XRCC5: variants seen among roughly 807,000 people sequenced by gnomAD.
XRCC5 encodes DNA repair protein Ku80.
In XRCC5, 12 loss-of-function variants were observed where a neutral mutation model predicts 95.7. The observed-to-expected ratio is 0.13, with a 90% CI of 0.08 to 0.20. The LOEUF (loss-of-function observed/expected upper bound fraction) is 0.20. Among genes scored for constraint, XRCC5 ranks in the 10% least tolerant of loss-of-function variants. XRCC5 has a pLI of 1.00. For missense variants in XRCC5, 595 were observed against 873.9 expected, an observed-to-expected ratio of 0.68 and a Z score of 4.02; for synonymous variants, 281 against 290.3, an observed-to-expected ratio of 0.97 and a Z score of 0.33.
chr2:216,175,025 T>C, intron 16 of XRCC5: 1 of 298,092 alleles, frequency 3.4e-6, no homozygotes, highest in Non-Finnish European at 6.6e-6. Flanking sequence ...TGTTTTTGTC[T>C]GCTAAAATTT....
rs748988907 is a variant in XRCC5, at chr2:216,130,951, G to A, written c.1014G>A (p.Lys338=). The change falls in exon 9 of 21, where the codon AAG becomes AAA. Residue 338 remains lysine (K), a synonymous_variant. Transcript: ENST00000392132. The part of the protein sequence containing the change: ...EEQMKYKSEG[K]CFSVLGFCKS... ...AAATGAAATATAAATCGGAGGGGAA[G>A]TGCTTCTCTGTTTTGGGATTTTGTA... 5 of 1,613,470 alleles carry A rather than the reference G, an allele frequency of 3.1e-6. No homozygotes were observed. The East Asian group carries it at 1.1e-4, about 36-fold the overall frequency.
Position 216,195,064 on chromosome 2 carries a change from A to C in XRCC5, c.2109+78A>C, listed in dbSNP as rs1234466837. On this transcript the variant is annotated intron_variant, in intron 19 of 20. Transcript: ENST00000392132. ...TTTCTTGATACCCTCGAAGAAGTTA[A>C]ATTTTATGGGTAACTAAATTAGTGT... 3.7e-6 allele frequency: 5 copies of C among 1,364,498 alleles called. No individual in the cohort carries two copies. In the African/African-American group the frequency reaches 7.2e-5, roughly 20 times the overall value. The allele number at this position is 1,364,498 out of a possible 1,614,324, so 84.5% of individuals were successfully genotyped here.
At chr2:216,124,992 G>A (rs1390559045) in intron 6 of XRCC5, among the ~76,000 whole-genome samples, 3 of 152,130 alleles carry the variant, frequency 2.0e-5, no homozygotes, top group Non-Finnish European at 4.4e-5. Context: ...TAGAGTTAAC[G>A]TGCTTTACCT....
intron 10 of XRCC5, among the ~76,000 whole-genome samples, chr2:216,134,036 A>G (rs1367886424): frequency 6.6e-6 from 1 of 152,210 alleles, no homozygotes; most frequent in African/African-American, 2.4e-5. Flanking sequence ...AAGATGAAGA[A>G]TTATTTTGTC....
chr2:216,195,054 G>A (rs1219348503), intron 19 of XRCC5, 68 bp downstream of exon 19: 9 of 1,485,540 alleles, frequency 6.1e-6, no homozygotes, highest in Non-Finnish European at 8.4e-6. Flanking sequence ...TGATACCCTC[G>A]AAGAAGTTAA....
intron 14 of XRCC5, chr2:216,156,519 C>A (rs1688845303): frequency 3.3e-6 from 2 of 614,348 alleles, no homozygotes; most frequent in East Asian, 4.1e-5. Flanking sequence ...AACAAGACTT[C>A]CTCCATCACT....
At chr2:216,133,590 A>G (rs207877) in intron 10 of XRCC5, among the ~76,000 whole-genome samples, 149,125 of 152,370 alleles carry the variant, frequency 0.98, 73,004 homozygotes, top group East Asian at 1. Context: ...TGAGACACAC[A>G]TGTTGGGTAA....
chr2:216,204,086 G>C, intron 19 of XRCC5: 1 of 517,936 alleles, frequency 1.9e-6, no homozygotes, highest in Non-Finnish European at 3.5e-6. Flanking sequence ...CTCCCTCTTC[G>C]TGAGCACTTT....
chr2:216,151,959 T>C (rs1338834085), intron 14 of XRCC5, among the ~76,000 whole-genome samples: 2 of 152,078 alleles, frequency 1.3e-5, no homozygotes, highest in Admixed American at 6.6e-5. Context: ...GAAGCAAAGG[T>C]GCATCTTATG....
intron 14 of XRCC5, among the ~76,000 whole-genome samples, chr2:216,159,461 T>G (rs1688906309): frequency 6.6e-6 from 1 of 152,202 alleles, no homozygotes; most frequent in African/African-American, 2.4e-5. Context: ...AGAATTAGGT[T>G]TATAAAAGAA....
intron 10 of XRCC5, among the ~76,000 whole-genome samples, chr2:216,132,992 A>G (rs1697019066): frequency 6.6e-6 from 1 of 152,164 alleles, no homozygotes; most frequent in African/African-American, 2.4e-5. Flanking sequence ...CAGGTTTCCA[A>G]GTTCCTGAAG....
intron 19 of XRCC5, among the ~76,000 whole-genome samples, chr2:216,195,427 T>C (rs1340173387): frequency 7.3e-6 from 1 of 137,038 alleles, no homozygotes; most frequent in Non-Finnish European, 1.6e-5. Flanking sequence ...CTTTCTTTCT[T>C]TTTTTTTTTT....
chr2:216,136,367 A>AAGAAAAG (rs564652267), intron 10 of XRCC5, among the ~76,000 whole-genome samples: 1 of 143,210 alleles, frequency 7.0e-6, no homozygotes, highest in Non-Finnish European at 1.5e-5. Context: ...AAAAAAAAAA[A>AAGAAAAG]AAAAGAAATA....
At chr2:216,173,476 TGTG>T (rs1217878323) in intron 16 of XRCC5, among the ~76,000 whole-genome samples, 1 of 152,264 alleles carries the variant, frequency 6.6e-6, no homozygotes, top group Non-Finnish European at 1.5e-5. Context: ...TTGAGATGAC[TGTG>T]ATTTTTATTC....
At chr2:216,127,807 A>T in intron 8 of XRCC5, 133 bp downstream of exon 8, 1 of 1,044,456 alleles carries the variant, frequency 9.6e-7, no homozygotes, top group Non-Finnish European at 1.3e-6. Context: ...GTTTGAAAGG[A>T]TAATGAGACC....
chr2:216,181,478 A>G (rs1360979398), intron 16 of XRCC5, among the ~76,000 whole-genome samples: 1 of 152,182 alleles, frequency 6.6e-6, no homozygotes, highest in Non-Finnish European at 1.5e-5. Context: ...TTGTATTCAA[A>G]CCATGTTCCT....
intron 10 of XRCC5, among the ~76,000 whole-genome samples, chr2:216,135,217 CAG>C (rs145660096): frequency 2.2e-4 from 32 of 148,834 alleles, no homozygotes; most frequent in Admixed American, 5.3e-4. Context: ...GGAGTTTCTG[CAG>C]AGAGAGAGAG....
intron 7 of XRCC5, 137 bp from the exon 8 acceptor site, chr2:216,127,399 G>C: frequency 1.1e-6 from 1 of 925,230 alleles, no homozygotes; most frequent in Non-Finnish European, 1.5e-6. Flanking sequence ...TTCATAATAG[G>C]CATGAGCAAA....
intron 16 of XRCC5, among the ~76,000 whole-genome samples, chr2:216,172,469 C>CTTTTCTT (rs1553576428): frequency 1.6e-4 from 17 of 107,748 alleles, no homozygotes; most frequent in Middle Eastern, 6.2e-3. Context: ...CTTTTCTTTT[C>CTTTTCTT]TTTTTTTTTT....
Sources: gnomAD v4.1 joint callset for allele counts (sites outside exome capture counted in the v4.1 genomes callset) on GRCh38, gnomAD v4.1.1 for gene constraint, MANE v1.5 for transcripts, NCBI Gene and HGNC (gene_info 2026-07-23, HGNC 2026-07-21) for gene names.